Variants in NUBPL observed in about 807,000 individuals in gnomAD.
NUBPL encodes the protein NUBP iron-sulfur cluster assembly factor, mitochondrial, also known as iron-sulfur cluster transfer protein NUBPL.
A neutral mutation model predicts 45.7 loss-of-function variants in NUBPL; 31 were observed. The observed-to-expected ratio is 0.68, with a 90% CI of 0.51 to 0.92. NUBPL has a LOEUF of 0.92. NUBPL is among the 40% of genes least tolerant of loss of function. The pLI, the probability that NUBPL is intolerant of heterozygous loss-of-function variation, is 0.00. For synonymous variants in NUBPL, 144 were observed against 140.9 expected (o/e 1.02, Z -0.15); for missense variants, 401 against 398.7 (o/e 1.01, Z -0.05).
chr14:31,580,420 T>C (rs1362003426), intron 3 of NUBPL, among the ~76,000 whole-genome samples: 9 of 152,140 alleles, frequency 5.9e-5, no homozygotes. Context: ...GCCTGGACTT[T>C]GAGACCAGCT....
chr14:31,599,479 C>A, intron 4 of NUBPL, 100 bp downstream of exon 4: 1 of 826,538 alleles, frequency 1.2e-6, no homozygotes, highest in Non-Finnish European at 2.0e-6. Flanking sequence ...ATTTTATGCA[C>A]AATGTAGTGT....
intron 6 of NUBPL, among the ~76,000 whole-genome samples, chr14:31,745,932 C>G (rs2038389757): frequency 6.6e-6 from 1 of 151,904 alleles, no homozygotes; most frequent in Non-Finnish European, 1.5e-5. Flanking sequence ...CTCAAAAAAG[C>G]CATCTAGTGG....
intron 7 of NUBPL, among the ~76,000 whole-genome samples, chr14:31,790,808 G>A (rs1237542230): frequency 1.3e-5 from 2 of 152,036 alleles, no homozygotes; most frequent in African/African-American, 4.8e-5. Flanking sequence ...CCGAGATCGC[G>A]CCACTGCACT....
intron 4 of NUBPL, among the ~76,000 whole-genome samples, chr14:31,614,499 G>A (rs553061363): frequency 9.9e-5 from 15 of 152,072 alleles, no homozygotes; most frequent in Admixed American, 6.5e-5. Flanking sequence ...ACACATACAT[G>A]TGTATATTTA....
At chr14:31,780,304 C>T (rs1334148455) in intron 6 of NUBPL, among the ~76,000 whole-genome samples, 1 of 151,872 alleles carries the variant, frequency 6.6e-6, no homozygotes. Context: ...CTCCTGACCT[C>T]GTGATCCACC....
At chr14:31,577,762 C>T (rs1440035333) in intron 3 of NUBPL, among the ~76,000 whole-genome samples, 2 of 152,178 alleles carry the variant, frequency 1.3e-5, no homozygotes, top group Non-Finnish European at 2.9e-5. Flanking sequence ...GCACTCTGTA[C>T]TTGATGTTGT....
At chr14:31,626,131 A>G (rs1375679683) in intron 4 of NUBPL, among the ~76,000 whole-genome samples, 1 of 151,896 alleles carries the variant, frequency 6.6e-6, no homozygotes, top group Non-Finnish European at 1.5e-5. Context: ...CTCCACACCA[A>G]AGTAGCCATT....
At chr14:31,749,727 T>A (rs538071981) in intron 6 of NUBPL, among the ~76,000 whole-genome samples, 102 of 152,322 alleles carry the variant, frequency 6.7e-4, no homozygotes, top group African/African-American at 2.4e-3. Flanking sequence ...GCTTCTTCAT[T>A]TGAATGTTTA....
intron 6 of NUBPL, among the ~76,000 whole-genome samples, chr14:31,715,194 C>T (rs1273161455): frequency 6.6e-6 from 1 of 152,210 alleles, no homozygotes; most frequent in Non-Finnish European, 1.5e-5. Context: ...TTCCCTAATA[C>T]TACATTCTCT....
At chr14:31,712,269 C>T (rs1012086605) in intron 6 of NUBPL, among the ~76,000 whole-genome samples, 1 of 152,240 alleles carries the variant, frequency 6.6e-6, no homozygotes, top group African/African-American at 2.4e-5. Context: ...TTTAGCTAGA[C>T]AGAAAAGTTC....
At chr14:31,850,071 C>G (rs111951560) in intron 9 of NUBPL, 48 bp from the exon 10 acceptor site, 10 of 1,377,192 alleles carry the variant, frequency 7.3e-6, no homozygotes, top group Admixed American at 5.0e-5. Flanking sequence ...TTCAAAATGC[C>G]TATATGAACT....
chr14:31,819,947 T>C (rs2039986673), intron 7 of NUBPL, among the ~76,000 whole-genome samples: 2 of 152,022 alleles, frequency 1.3e-5, no homozygotes, highest in African/African-American at 4.8e-5. Context: ...GAGACCATCC[T>C]GGCTAACACG....
At position 31,562,129 on chromosome 14, in the gene NUBPL, T is replaced by G; in HGVS notation, c.170T>G (p.Leu57Arg). ...QRRTQIMSRGLPKQKPIEGVK... is the reference protein window; with the variant it reads ...QRRTQIMSRGRPKQKPIEGVK... The stretch of plus-strand genomic sequence containing the variant: ...AGAACACAAATCATGTCCCGAGGAC[T>G]TCCAAAGCAGAAACCGATAGAAGGT... Residue 57 changes from leucine to arginine, a missense_variant, in exon 2 of 11, where the codon CTT (leucine) becomes CGT (arginine). Physicochemically the swap from Leu to Arg is moderately radical, Grantham distance 102. Transcript: ENST00000281081. 6.2e-7 allele frequency: 1 copy of G among 1,613,898 alleles called. No homozygotes were observed. The highest frequency in any genetic ancestry group is 8.5e-7 in the Non-Finnish European group (1 of 1,179,828).
intron 6 of NUBPL, among the ~76,000 whole-genome samples, chr14:31,690,470 T>A (rs1389399760): frequency 6.6e-6 from 1 of 152,136 alleles, no homozygotes; most frequent in Admixed American, 6.5e-5. Flanking sequence ...GCTGAACTGG[T>A]CTTCTTGCCC....
At chr14:31,789,450 C>T (rs2039340806) in intron 7 of NUBPL, among the ~76,000 whole-genome samples, 1 of 151,982 alleles carries the variant, frequency 6.6e-6, no homozygotes, top group African/African-American at 2.4e-5. Context: ...ATAAACATAG[C>T]TTATATCAAA....
At chr14:31,634,915 C>T (rs1405173329) in intron 4 of NUBPL, among the ~76,000 whole-genome samples, 41 of 143,052 alleles carry the variant, frequency 2.9e-4, no homozygotes, top group Non-Finnish European at 4.3e-4. Flanking sequence ...TCATATCCTT[C>T]GCCCACTTTT....
At chr14:31,661,329 G>T (rs1197274533) in intron 4 of NUBPL, among the ~76,000 whole-genome samples, 1 of 152,194 alleles carries the variant, frequency 6.6e-6, no homozygotes, top group Non-Finnish European at 1.5e-5. Context: ...CAGGGCAGTG[G>T]ATTCCAAAGT....
intron 9 of NUBPL, among the ~76,000 whole-genome samples, chr14:31,847,279 C>G (rs982685550): frequency 3.9e-5 from 6 of 152,196 alleles, no homozygotes; most frequent in South Asian, 2.1e-4. Context: ...GTAAAAACCT[C>G]TAAAAGTGTT....
chr14:31,678,475 T>A (rs971285986), intron 6 of NUBPL, among the ~76,000 whole-genome samples: 1 of 152,200 alleles, frequency 6.6e-6, no homozygotes, highest in Non-Finnish European at 1.5e-5. Flanking sequence ...TGCTGCTGGT[T>A]GTTCATGGCC....
Sources: gnomAD v4.1 joint callset for allele counts (sites outside exome capture counted in the v4.1 genomes callset) on GRCh38, gnomAD v4.1.1 for gene constraint, MANE v1.5 for transcripts, NCBI Gene and HGNC (gene_info 2026-07-23, HGNC 2026-07-21) for gene names.